The following SUCLG1 variants were observed in gnomAD, a reference collection of about 807,000 sequenced individuals.
The protein encoded by SUCLG1 is succinate-CoA ligase GDP/ADP-forming subunit alpha, also known as succinate--CoA ligase [ADP/GDP-forming] subunit alpha, mitochondrial.
A neutral mutation model predicts 37.3 loss-of-function variants in SUCLG1; 26 were observed. That is an observed-to-expected ratio of 0.70 (90% CI 0.51 to 0.97). The LOEUF (loss-of-function observed/expected upper bound fraction) is 0.97, where lower values mean the gene tolerates loss of function less well. Among genes scored for constraint, SUCLG1 ranks in the 50% least tolerant of loss-of-function variants. SUCLG1 has a pLI of 0.00. For missense variants in SUCLG1, 433 were observed against 432.9 expected, an observed-to-expected ratio of 1.00 and a Z score of 0.00; for synonymous variants, 163 against 155.6, an observed-to-expected ratio of 1.05 and a Z score of -0.36.
chr2:84,449,966 C>T (rs1471726107), intron 1 of SUCLG1, among the ~76,000 whole-genome samples: 2 of 152,030 alleles, frequency 1.3e-5, no homozygotes, highest in Non-Finnish European at 2.9e-5. Context: ...TCTCCAGGAT[C>T]CTCTCTTTAT....
At chr2:84,432,687 C>T (rs1558609231) in intron 6 of SUCLG1, 1 of 152,122 alleles carries the variant, frequency 6.6e-6, no homozygotes, top group African/African-American at 2.4e-5. Context: ...CTATATGTTA[C>T]TTTTTCGTAA....
chr2:84,441,226 T>C, intron 4 of SUCLG1, 21 bp downstream of exon 4: 1 of 1,614,114 alleles, frequency 6.2e-7, no homozygotes, highest in South Asian at 1.1e-5. Flanking sequence ...TCTGAGTTTC[T>C]TTTTGTTTTT....
At chr2:84,450,544 T>C (rs1400744834) in intron 1 of SUCLG1, among the ~76,000 whole-genome samples, 1 of 152,058 alleles carries the variant, frequency 6.6e-6, no homozygotes, top group Non-Finnish European at 1.5e-5. Context: ...TGACTTAAAA[T>C]TTTGGGCTAC....
chr2:84,433,849 G>T (rs1672645537), intron 5 of SUCLG1: 1 of 212,322 alleles, frequency 4.7e-6, no homozygotes, highest in East Asian at 1.3e-4. Context: ...CCAAATCTCA[G>T]GTTGAAATGT....
chr2:84,449,896 C>T (rs1672915416), intron 1 of SUCLG1, 144 bp from the exon 2 acceptor site: 1 of 594,486 alleles, frequency 1.7e-6, no homozygotes, highest in South Asian at 2.3e-5. Flanking sequence ...CTAAATGCCA[C>T]CTTTTAAATA....
intron 5 of SUCLG1, among the ~76,000 whole-genome samples, chr2:84,440,704 A>T (rs774318178): frequency 3.3e-5 from 5 of 152,348 alleles, no homozygotes; most frequent in Non-Finnish European, 7.3e-5. Context: ...GTATAATTAT[A>T]CAACAGAATA....
intron 1 of SUCLG1, among the ~76,000 whole-genome samples, chr2:84,453,870 G>A (rs932504379): frequency 1.7e-4 from 26 of 152,232 alleles, no homozygotes; most frequent in African/African-American, 5.3e-4. Context: ...TTGGGACTGC[G>A]TCCCAGGAGC....
intron 2 of SUCLG1, among the ~76,000 whole-genome samples, chr2:84,447,363 G>A (rs6731664): frequency 0.97 from 147,035 of 152,322 alleles, 71,013 homozygotes; most frequent in East Asian, 1. Flanking sequence ...ACTGAAAAAC[G>A]CTGTAACTAC....
intron 1 of SUCLG1, 126 bp from the exon 2 acceptor site, chr2:84,449,878 C>T (rs1359503187): frequency 1.5e-5 from 10 of 651,782 alleles, no homozygotes; most frequent in African/African-American, 3.7e-5. Flanking sequence ...CCTGTGATCA[C>T]GGCAAACCTA....
chr2:84,436,553 C>G (rs573270123), intron 5 of SUCLG1, among the ~76,000 whole-genome samples: 1 of 152,080 alleles, frequency 6.6e-6, no homozygotes, highest in African/African-American at 2.4e-5. Flanking sequence ...ACTGCTGACA[C>G]AGTAAAATGG....
At chr2:84,427,763 T>C (rs997186072) in intron 7 of SUCLG1, among the ~76,000 whole-genome samples, 2 of 152,194 alleles carry the variant, frequency 1.3e-5, no homozygotes, top group African/African-American at 4.8e-5. Flanking sequence ...TCAAGTAAAA[T>C]TGGTGTCCCA....
chr2:84,459,052 G>T, intron 1 of SUCLG1, 121 bp downstream of exon 1: 1 of 995,784 alleles, frequency 1.0e-6, no homozygotes. Context: ...AATCCCAAGC[G>T]GCTCCCAGGC....
intron 1 of SUCLG1, among the ~76,000 whole-genome samples, chr2:84,451,256 C>T (rs560582248): frequency 1.9e-4 from 29 of 152,216 alleles, no homozygotes; most frequent in African/African-American, 7.0e-4. Flanking sequence ...CAGTCCCTCC[C>T]ATTGCATCTT....
At chr2:84,439,475 C>T (rs1672736031) in intron 5 of SUCLG1, among the ~76,000 whole-genome samples, 1 of 152,180 alleles carries the variant, frequency 6.6e-6, no homozygotes, top group African/African-American at 2.4e-5. Flanking sequence ...ATCAGTGATA[C>T]ATGGATCTGG....
Position 84,441,270 on chromosome 2 carries a change from G to A in SUCLG1, c.508C>T (p.Pro170Ser). 6.2e-7 allele frequency: 1 copy of A among 1,614,046 alleles called. No homozygotes were observed. Among genetic ancestry groups the A allele is most frequent in the East Asian group, 2.2e-5 (1 of 44,874 alleles). ...ACATTGATGACTCCAGGGCAGTTGG[G>A]CCCAATTAGCCTTGTCTTTTCCTGG... ...LRQEKTRLIG[P>S]NCPGVINPGE... Residue 170 changes from proline (P) to serine (S), a missense_variant, in exon 4 of 9, where the codon CCC becomes TCC. By Grantham distance (74) the Pro-to-Ser change is moderately conservative. Coordinates refer to ENST00000393868, the MANE Select transcript of SUCLG1 (RefSeq NM_003849.4).
Position 84,433,353 on chromosome 2 carries a change from A to T in SUCLG1, c.672T>A (p.Val224=). ...TQVGLGQSLC[V]GIGGDPFNGT... ...ATGATTTTAGCAAAAGTCCCTCACCAACGCACAAAGACTGCCCCAATCCAA... is the reference window on the plus strand; with the variant it reads ...ATGATTTTAGCAAAAGTCCCTCACCTACGCACAAAGACTGCCCCAATCCAA... Residue 224 remains valine (V), a splice_region_variant and synonymous_variant, in exon 6 of 9, where the codon GTT becomes GTA. Transcript: ENST00000393868. 6.2e-7 allele frequency: 1 copy of T among 1,613,886 alleles called. No individual in the cohort carries two copies. Among genetic ancestry groups the T allele is most frequent in the Non-Finnish European group, 8.5e-7 (1 of 1,179,806 alleles).
At chr2:84,432,571 C>T (rs1209085944) in intron 6 of SUCLG1, 1 of 152,160 alleles carries the variant, frequency 6.6e-6, no homozygotes, top group African/African-American at 2.4e-5. Context: ...CTCTGTCACA[C>T]TAAAAAGTAT....
chr2:84,428,365 T>A (rs1672566378), intron 7 of SUCLG1, among the ~76,000 whole-genome samples: 1 of 152,164 alleles, frequency 6.6e-6, no homozygotes, highest in African/African-American at 2.4e-5. Context: ...AACTATGAAT[T>A]CCCTGAACAC....
chr2:84,452,247 G>A (rs1162804033), intron 1 of SUCLG1, among the ~76,000 whole-genome samples: 2 of 151,608 alleles, frequency 1.3e-5, no homozygotes, highest in African/African-American at 4.8e-5. Context: ...TCAAGGTAGA[G>A]AAGTCTATGA....
Sources: allele counts gnomAD v4.1 joint callset (sites outside exome capture counted in the v4.1 genomes callset), GRCh38; gene constraint gnomAD v4.1.1; transcripts MANE v1.5; gene names NCBI Gene and HGNC (gene_info 2026-07-23, HGNC 2026-07-21).